Variants in TDRD5 observed in about 807,000 individuals in gnomAD.
TDRD5 encodes tudor domain-containing protein 5.
TDRD5 carries 41 observed loss-of-function variants against 120.6 expected under a neutral mutation model. The ratio of observed to expected loss-of-function variants is 0.34; its 90% CI spans 0.26 to 0.44. The LOEUF is 0.44. Among genes scored for constraint, TDRD5 ranks in the 20% least tolerant of loss-of-function variants. The pLI is 1.00. For missense variants in TDRD5, 1,006 were observed against 1,221.2 expected (o/e 0.82, Z 2.63); for synonymous variants, 430 against 433.7 (o/e 0.99, Z 0.11).
chr1:179,628,324 CTTTTTTTTT>C (rs71569258), intron 6 of TDRD5, among the ~76,000 whole-genome samples: 5 of 54,630 alleles, frequency 9.2e-5, no homozygotes, highest in African/African-American at 2.9e-4. Flanking sequence ...CTTTTCTTTT[CTTTTTTTTT>C]TTTTTTTTTT....
At chr1:179,651,772 G>A in intron 12 of TDRD5, among the ~76,000 whole-genome samples, 1 of 152,032 alleles carries the variant, frequency 6.6e-6, no homozygotes, top group East Asian at 1.9e-4. Context: ...AATTAGTCAG[G>A]CGTGATGGCA....
intron 4 of TDRD5, among the ~76,000 whole-genome samples, chr1:179,613,441 C>T (rs905231628): frequency 3.3e-5 from 5 of 152,196 alleles, no homozygotes; most frequent in Non-Finnish European, 7.3e-5. Flanking sequence ...TCAGACCCTA[C>T]ATAATCCTAT....
chr1:179,603,193 A>G (rs747378610), intron 4 of TDRD5, among the ~76,000 whole-genome samples: 43 of 152,168 alleles, frequency 2.8e-4, no homozygotes, highest in Non-Finnish European at 4.0e-4. Context: ...CTTTTGGTGT[A>G]TAGAAGGGCT....
intron 17 of TDRD5, among the ~76,000 whole-genome samples, chr1:179,687,811 C>G (rs1680817313): frequency 6.6e-6 from 1 of 150,422 alleles, no homozygotes; most frequent in Non-Finnish European, 1.5e-5. Context: ...CCTTCTTTGT[C>G]TCTTTTGATC....
intron 9 of TDRD5, 86 bp from the exon 10 acceptor site, chr1:179,639,753 A>C (rs1239941767): frequency 7.0e-6 from 10 of 1,438,004 alleles, no homozygotes; most frequent in Non-Finnish European, 9.4e-6. Flanking sequence ...GCTTTTTGCC[A>C]AGACTTTCTG....
chr1:179,649,262 C>T (rs781423842), intron 11 of TDRD5, among the ~76,000 whole-genome samples: 1 of 151,800 alleles, frequency 6.6e-6, no homozygotes, highest in Non-Finnish European at 1.5e-5. Context: ...TTTTTTTAAT[C>T]TTGCAAATTC....
intron 14 of TDRD5, among the ~76,000 whole-genome samples, chr1:179,659,278 C>G (rs906489799): frequency 6.6e-6 from 1 of 152,174 alleles, no homozygotes; most frequent in Non-Finnish European, 1.5e-5. Flanking sequence ...TTCAGTTCTT[C>G]TGATCCTTGC....
chr1:179,639,876 G>C lies in TDRD5; in HGVS notation c.1558G>C (p.Val520Leu). The change falls in exon 10 of 18, where the codon GTC (valine) becomes CTC (leucine). Residue 520 changes from valine (V) to leucine (L), a missense_variant. By Grantham distance (32) the Val-to-Leu change is conservative. Coordinates refer to ENST00000444136, the MANE Select transcript of TDRD5 (RefSeq NM_001199085.3). ...YSNQLVSDRY[V>L]MPECFIQPGH... ...TAATCAGCTGGTTTCTGATCGATAT[G>C]TCATGCCAGAATGTTTTATTCAGCC... 6.2e-7 allele frequency: 1 copy of C among 1,614,056 alleles called. No individual in the cohort carries two copies. Among genetic ancestry groups the C allele is most frequent in the Non-Finnish European group, 8.5e-7 (1 of 1,180,004 alleles).
At position 179,593,707 on chromosome 1, in the gene TDRD5, A is replaced by C; in HGVS notation, c.480A>C (p.Arg160Ser). The change falls in exon 3 of 18, where the codon AGA becomes AGC. Residue 160 changes from arginine to serine, a missense_variant. Transcript: ENST00000444136. The stretch of plus-strand genomic sequence containing the variant: ...ATTTTGAAAAGGCATTTGCCAAAAG[A>C]TTTGGACGATCATTCCAATACATGC... ...LSDFEKAFAKRFGRSFQYMQY... is the reference protein window; with the variant it reads ...LSDFEKAFAKSFGRSFQYMQY... 6.2e-7 allele frequency: 1 copy of C among 1,614,186 alleles called. No homozygotes were observed. The highest frequency in any genetic ancestry group is 8.5e-7 in the Non-Finnish European group (1 of 1,180,024).
chr1:179,633,375 G>A (rs1413665022), intron 7 of TDRD5, among the ~76,000 whole-genome samples: 2 of 149,318 alleles, frequency 1.3e-5, no homozygotes, highest in African/African-American at 4.9e-5. Flanking sequence ...TTTTTGAGAT[G>A]GAGTCTCGCT....
intron 11 of TDRD5, among the ~76,000 whole-genome samples, chr1:179,648,451 G>GA (rs1678518089): frequency 1.3e-5 from 1 of 78,778 alleles, no homozygotes; most frequent in African/African-American, 4.6e-5. Flanking sequence ...CTGTTGTGGG[G>GA]TGGGGGGGGG....
intron 4 of TDRD5, among the ~76,000 whole-genome samples, chr1:179,617,984 G>A (rs774410222): frequency 7.9e-5 from 12 of 151,876 alleles, no homozygotes; most frequent in Non-Finnish European, 1.5e-4. Flanking sequence ...TTTCTCAAAT[G>A]TCTGACCTCC....
intron 16 of TDRD5, among the ~76,000 whole-genome samples, chr1:179,668,741 C>CTTTTTTTTTTTT (rs35873475): frequency 1.8e-5 from 2 of 110,332 alleles, no homozygotes; most frequent in Admixed American, 1.0e-4. Context: ...TATCTAGGTT[C>CTTTTTTTTTTTT]TTTTTTTTTT....
chr1:179,654,844 C>T (rs1411225256), intron 14 of TDRD5, among the ~76,000 whole-genome samples: 2 of 151,756 alleles, frequency 1.3e-5, no homozygotes, highest in Non-Finnish European at 2.9e-5. Context: ...TAACCTTGAT[C>T]ATAAAAAAAG....
chr1:179,619,726 A>G (rs1419170751), intron 5 of TDRD5, among the ~76,000 whole-genome samples: 4 of 151,864 alleles, frequency 2.6e-5, no homozygotes, highest in East Asian at 1.9e-4. Context: ...GGCTCAAGCA[A>G]TCCTCTCACA....
At chr1:179,623,437 G>A (rs193247761) in intron 6 of TDRD5, among the ~76,000 whole-genome samples, 1 of 152,192 alleles carries the variant, frequency 6.6e-6, no homozygotes, top group Admixed American at 6.5e-5. Context: ...TGCATAATGA[G>A]TGGAGGGGCA....
chr1:179,634,438 G>T lies in TDRD5; in HGVS notation c.1127-19G>T. The T allele has an allele frequency of 7.0e-6, 11 of 1,582,454 alleles. No homozygotes were observed. Among genetic ancestry groups the T allele is most frequent in the Non-Finnish European group, 9.4e-6 (11 of 1,170,790 alleles). ...CATTTGAGATGGAGTTGTTTCATCA[G>T]TCGGAAATTTGTGTTTAGTTCAGTC... On this transcript the variant is annotated intron_variant, in intron 7 of 17. Transcript: ENST00000444136.
chr1:179,640,612 A>ATAAATTGTTATGCC lies in TDRD5; in HGVS notation c.1800+169_1800+170insAATTGTTATGCCTA, dbSNP rs1439588996. On this transcript the variant is annotated intron_variant, in intron 11 of 17. Transcript: ENST00000444136. Reference sequence around the variant, plus strand: ...ACATGTAGACAAAAATTGTTATGCCATATAAAATTTGCTATAGGAGAGGTT... The same window carrying ATAAATTGTTATGCC: ...ACATGTAGACAAAAATTGTTATGCCATAAATTGTTATGCCTATAAAATTTGCTATAGGAGAGGTT... Among the ~76,000 whole-genome samples the ATAAATTGTTATGCC allele has an allele frequency of 9.2e-5, 14 of 152,366 alleles. No homozygotes were observed. The East Asian group carries it at 2.7e-3, about 29-fold the overall frequency.
In TDRD5 at chr1:179,635,852, G is replaced by A. The variant is rs200962540; in HGVS notation, c.1485G>A (p.Ser495=). The change falls in exon 9 of 18, where the codon TCG becomes TCA. Residue 495 remains serine (S), a synonymous_variant. Transcript: ENST00000444136. ...ACATCCGGATCTATAGCAGGGATTC[G>A]TCAGAGTTACTCGAAGACATGATGA... is the stretch of plus-strand genomic sequence containing the variant. ...QFYIRIYSRD[S]SELLEDMMIE... The A allele has an allele frequency of 2.1e-5, 34 of 1,613,664 alleles. No individual in the cohort carries two copies. The highest frequency in any genetic ancestry group is 2.0e-4 in the East Asian group (9 of 44,866).
Sources: gnomAD v4.1 joint callset for allele counts (sites outside exome capture counted in the v4.1 genomes callset) on GRCh38, gnomAD v4.1.1 for gene constraint, MANE v1.5 for transcripts, NCBI Gene and HGNC (gene_info 2026-07-23, HGNC 2026-07-21) for gene names.